Variants in GUCY1A2 observed in about 807,000 individuals in gnomAD.
GUCY1A2 encodes the protein guanylate cyclase soluble subunit alpha-2.
A neutral mutation model predicts 63.5 loss-of-function variants in GUCY1A2; 27 were observed. The observed-to-expected ratio is 0.43, with a 90% CI of 0.31 to 0.59. The LOEUF (loss-of-function observed/expected upper bound fraction) is 0.59. Ranked by LOEUF, GUCY1A2 falls within the 20% of genes least tolerant of loss-of-function variation. The probability of loss-of-function intolerance (pLI) is 0.11; values close to 1 mark genes in which losing one functional copy is unlikely to be tolerated. For missense variants in GUCY1A2, 768 were observed against 913.3 expected (o/e 0.84, Z 2.05); for synonymous variants, 364 against 343.5 (o/e 1.06, Z -0.66).
rs1469606116 is a variant in GUCY1A2 at position 106,821,318 on chromosome 11, T to A, written c.1207-10840A>T. Among the ~76,000 whole-genome samples the A allele has an allele frequency of 3.3e-5, 5 of 152,232 alleles. No individual in the cohort carries two copies. The East Asian group carries it at 9.6e-4, about 29-fold the overall frequency. ...TATTAAATTTATATGCAGTCTTTAA[T>A]ACCTTACACAAACAAACTGCCTTTT... On this transcript the variant is annotated intron_variant, in intron 4 of 7. Coordinates refer to ENST00000526355, the MANE Select transcript of GUCY1A2 (RefSeq NM_000855.3).
At chr11:106,944,232 A>AAAAAAAAAAAAAAAAAAAAG (rs1860793768) in intron 3 of GUCY1A2, among the ~76,000 whole-genome samples, 1 of 143,554 alleles carries the variant, frequency 7.0e-6, no homozygotes, top group African/African-American at 2.6e-5. Context: ...AAAAAAAAAA[A>AAAAAAAAAAAAAAAAAAAAG]AAAAGCAGGT....
intron 6 of GUCY1A2, among the ~76,000 whole-genome samples, chr11:106,764,626 G>A (rs1407651771): frequency 1.3e-5 from 2 of 152,068 alleles, no homozygotes; most frequent in African/African-American, 2.4e-5. Flanking sequence ...TTATACAGGT[G>A]TATGTGTATA....
chr11:106,761,812 G>A (rs540619982), intron 6 of GUCY1A2, among the ~76,000 whole-genome samples: 1 of 152,116 alleles, frequency 6.6e-6, no homozygotes, highest in Non-Finnish European at 1.5e-5. Context: ...TCCCTGGACA[G>A]GCCTTCTTAA....
intron 6 of GUCY1A2, among the ~76,000 whole-genome samples, chr11:106,730,059 AATATATATATATATATAT>A (rs60486225): frequency 3.9e-5 from 4 of 103,364 alleles, no homozygotes; most frequent in Non-Finnish European, 7.9e-5. Flanking sequence ...ATCAGCATGG[AATATATATATATATATAT>A]ATATATATAT....
intron 4 of GUCY1A2, among the ~76,000 whole-genome samples, chr11:106,882,079 C>T (rs939399861): frequency 4.0e-5 from 6 of 151,754 alleles, no homozygotes; most frequent in African/African-American, 1.5e-4. Flanking sequence ...CTTCTCCTTC[C>T]TTCCTTCCTT....
rs191788805 is a variant in GUCY1A2 at position 106,680,593 on chromosome 11, T to G, written c.*6956A>C. On this transcript the variant is annotated 3_prime_UTR_variant, in exon 8 of 8. Coordinates refer to ENST00000526355, the MANE Select transcript of GUCY1A2 (RefSeq NM_000855.3). ...ATTTAATAGATTCAAATTAAATATT[T>G]TCCATTATTTATTTAACCCAAAACC... is the stretch of plus-strand genomic sequence containing the variant. The G allele has an allele frequency of 5.5e-4, 107 of 196,252 alleles. No homozygotes were observed. Among genetic ancestry groups the G allele is most frequent in the Non-Finnish European group, 8.8e-4 (83 of 94,548 alleles). The allele number at this position is 196,252 out of a possible 1,614,324, so 12.2% of individuals were successfully genotyped here.
chr11:106,843,122 G>A (rs1859223392), intron 4 of GUCY1A2, among the ~76,000 whole-genome samples: 1 of 151,780 alleles, frequency 6.6e-6, no homozygotes, highest in African/African-American at 2.4e-5. Context: ...TTCCCATAAG[G>A]CTCTGCTTGT....
rs1446984751 is a variant in GUCY1A2 at position 106,680,948 on chromosome 11, A to G, written c.*6601T>C. 9.8e-6 allele frequency: 2 copies of G among 203,148 alleles called. No individual in the cohort carries two copies. Among genetic ancestry groups the G allele is most frequent in the Admixed American group, 1.2e-4 (2 of 16,728 alleles). 12.6% of individuals were successfully genotyped at this position (203,148 alleles called of 1,614,324 possible). A position where few individuals can be genotyped will look rare whatever the true frequency, so the allele number is the denominator to read the frequency against. On this transcript the variant is annotated 3_prime_UTR_variant, in exon 8 of 8. Coordinates refer to ENST00000526355, the MANE Select transcript of GUCY1A2 (RefSeq NM_000855.3). The stretch of plus-strand genomic sequence containing the variant: ...GATGTTTAGATACTGTTCAGTATAA[A>G]CATAAATTTACTAGTTGATTTTAGC...
chr11:106,695,353 C>A (rs974652884), intron 7 of GUCY1A2, among the ~76,000 whole-genome samples: 1 of 152,076 alleles, frequency 6.6e-6, no homozygotes, highest in African/African-American at 2.4e-5. Flanking sequence ...CCTCAATTTG[C>A]TTAATTAGAA....
intron 6 of GUCY1A2, among the ~76,000 whole-genome samples, chr11:106,752,491 C>T (rs1196135784): frequency 6.6e-6 from 1 of 152,146 alleles, no homozygotes; most frequent in East Asian, 1.9e-4. Context: ...AGGTATTTCT[C>T]CTAATGCTAT....
intron 4 of GUCY1A2, among the ~76,000 whole-genome samples, chr11:106,923,734 C>A (rs1454522967): frequency 6.6e-6 from 1 of 151,804 alleles, no homozygotes; most frequent in African/African-American, 2.4e-5. Flanking sequence ...ATAGACTACA[C>A]TATAAATTTA....
intron 6 of GUCY1A2, among the ~76,000 whole-genome samples, chr11:106,736,292 T>C (rs1049002285): frequency 1.3e-5 from 2 of 152,186 alleles, no homozygotes; most frequent in Non-Finnish European, 2.9e-5. Flanking sequence ...CTTTAATCTA[T>C]TTTGATTTGA....
At chr11:106,910,689 A>C (rs1860281549) in intron 4 of GUCY1A2, among the ~76,000 whole-genome samples, 1 of 152,052 alleles carries the variant, frequency 6.6e-6, no homozygotes, top group Non-Finnish European at 1.5e-5. Flanking sequence ...CACTCTTTGT[A>C]TCTTCTTACA....
At chr11:106,844,521 T>A (rs971841484) in intron 4 of GUCY1A2, among the ~76,000 whole-genome samples, 1 of 151,744 alleles carries the variant, frequency 6.6e-6, no homozygotes, top group African/African-American at 2.4e-5. Flanking sequence ...GGGTTTATTA[T>A]TTTCATCTGG....
intron 4 of GUCY1A2, among the ~76,000 whole-genome samples, chr11:106,825,481 T>C (rs1161609437): frequency 6.8e-6 from 1 of 148,140 alleles, no homozygotes; most frequent in Non-Finnish European, 1.5e-5. Context: ...AAAAATCTCA[T>C]GTTTTAAGAA....
At chr11:106,706,997 A>G (rs898266023) in intron 7 of GUCY1A2, among the ~76,000 whole-genome samples, 3 of 152,126 alleles carry the variant, frequency 2.0e-5, no homozygotes, top group Non-Finnish European at 4.4e-5. Flanking sequence ...TAGTTCTTAG[A>G]TAAGTAATGA....
Position 107,017,766 on chromosome 11 carries a change from A to G in GUCY1A2, c.290T>C (p.Leu97Pro). ...LDSLGESISR[L>P]TAPSPQTIQQ... ...CCCCCCGCTCACCGAGGGCGCCGTC[A>G]GGCGGCTGATGCTCTCGCCCAGCGA... Residue 97 changes from leucine to proline, a missense_variant, in exon 1 of 8, where the codon CTG becomes CCG. Around this residue, in one of 3 missense-constraint regions of GUCY1A2, gnomAD observed 496 missense variants for 486.9 expected, o/e 1.02. Transcript: ENST00000526355. 7.1e-7 allele frequency: 1 copy of G among 1,417,266 alleles called. No homozygotes were observed. Among genetic ancestry groups the G allele is most frequent in the Admixed American group, 2.5e-5 (1 of 40,682 alleles). 87.8% of individuals were successfully genotyped at this position (1,417,266 alleles called of 1,614,324 possible).
chr11:106,984,767 A>C (rs1861380740), intron 2 of GUCY1A2, among the ~76,000 whole-genome samples: 2 of 152,216 alleles, frequency 1.3e-5, no homozygotes, highest in Non-Finnish European at 2.9e-5. Context: ...GGAAAGCGGC[A>C]AATTCAATGA....
intron 5 of GUCY1A2, among the ~76,000 whole-genome samples, chr11:106,806,737 G>C (rs1421790263): frequency 2.0e-5 from 3 of 152,024 alleles, no homozygotes; most frequent in Non-Finnish European, 2.9e-5. Context: ...GTAACATCTT[G>C]GCAGTTAAGC....
Sources: gnomAD v4.1 joint callset for allele counts (sites outside exome capture counted in the v4.1 genomes callset) on GRCh38, gnomAD v4.1.1 for gene constraint, gnomAD v4.1.1 regional missense constraint, MANE v1.5 for transcripts, NCBI Gene and HGNC (gene_info 2026-07-23, HGNC 2026-07-21) for gene names.